Variants in LINGO2 observed in about 807,000 individuals in gnomAD.
LINGO2 encodes the protein leucine rich repeat and Ig domain containing 2, also known as leucine-rich repeat and immunoglobulin-like domain-containing nogo receptor-interacting protein 2.
In LINGO2, 14 loss-of-function variants were observed where a neutral mutation model predicts 30.6. The observed-to-expected ratio is 0.46, with a 90% CI of 0.30 to 0.72. LINGO2 has a LOEUF of 0.72. LINGO2 is among the 30% of genes least tolerant of loss of function. The pLI is 0.07. For missense variants in LINGO2, 729 were observed against 751.7 expected, an observed-to-expected ratio of 0.97 and a Z score of 0.35; for synonymous variants, 317 against 288.5, an observed-to-expected ratio of 1.10 and a Z score of -1.00.
chr9:28,184,812 C>A lies in LINGO2; in HGVS notation c.-87+110396G>T, dbSNP rs986895184. Among the ~76,000 whole-genome samples, 11 of 152,094 alleles carry A rather than the reference C, an allele frequency of 7.2e-5. No homozygotes were observed. In the South Asian group the frequency reaches 8.3e-4, roughly 12 times the overall value. ...TGGAAAAGGCCTAAAATAACTGCAC[C>A]CCTATACATGGTACAAGAAAACATC... On this transcript the variant is annotated intron_variant, in intron 4 of 5. Transcript: ENST00000379992.
intron 4 of LINGO2, among the ~76,000 whole-genome samples, chr9:28,252,623 T>C (rs1376728669): frequency 6.6e-6 from 1 of 152,024 alleles, no homozygotes; most frequent in Non-Finnish European, 1.5e-5. Context: ...AGCAATCATA[T>C]GAAAATATAT....
At chr9:28,567,750 C>T (rs1823456955) in intron 1 of LINGO2, among the ~76,000 whole-genome samples, 1 of 151,796 alleles carries the variant, frequency 6.6e-6, no homozygotes, top group South Asian at 2.1e-4. Context: ...CAGCATTATA[C>T]AATATACTTA....
chr9:28,538,507 A>C (rs548150051), intron 1 of LINGO2, among the ~76,000 whole-genome samples: 1 of 152,268 alleles, frequency 6.6e-6, no homozygotes, highest in African/African-American at 2.4e-5. Flanking sequence ...TAATAGAATA[A>C]AGGAGTAAAA....
the LINGO2 span, among the ~76,000 whole-genome samples, chr9:29,139,980 T>C: frequency 6.6e-6 from 1 of 151,812 alleles, no homozygotes; most frequent in Non-Finnish European, 1.5e-5. Context: ...AAAAAGAAAC[T>C]GGCAAAAATC....
chr9:28,891,795 A>G, the LINGO2 span, among the ~76,000 whole-genome samples: 2 of 152,002 alleles, frequency 1.3e-5, no homozygotes, highest in Non-Finnish European at 2.9e-5. Context: ...GTCACAATAA[A>G]GAAAATGGTC....
At chr9:28,746,473 C>G in the LINGO2 span, among the ~76,000 whole-genome samples, 1 of 151,674 alleles carries the variant, frequency 6.6e-6, no homozygotes, top group Non-Finnish European at 1.5e-5. Flanking sequence ...GATGTTTTTT[C>G]TTAATTGGTT....
chr9:28,607,498 G>T (rs985384241), intron 1 of LINGO2, among the ~76,000 whole-genome samples: 2 of 151,970 alleles, frequency 1.3e-5, no homozygotes, highest in African/African-American at 2.4e-5. Flanking sequence ...TACTAATGAA[G>T]AAATTTAAGC....
chr9:29,151,839 T>A, the LINGO2 span, among the ~76,000 whole-genome samples: 3 of 152,156 alleles, frequency 2.0e-5, no homozygotes, highest in Non-Finnish European at 4.4e-5. Context: ...AGACAGATCA[T>A]TGAGGCAGAA....
chr9:28,272,952 C>T (rs1315567699), intron 4 of LINGO2, among the ~76,000 whole-genome samples: 1 of 152,164 alleles, frequency 6.6e-6, no homozygotes, highest in Non-Finnish European at 1.5e-5. Flanking sequence ...TCAGGTGCTC[C>T]CAGTGCACAT....
At chr9:28,936,142 C>A in the LINGO2 span, among the ~76,000 whole-genome samples, 1 of 152,130 alleles carries the variant, frequency 6.6e-6, no homozygotes, top group Admixed American at 6.6e-5. Context: ...CTATTATTAA[C>A]TTCCATGTGC....
intron 4 of LINGO2, among the ~76,000 whole-genome samples, chr9:28,269,098 A>G (rs528097480): frequency 1.3e-5 from 2 of 152,192 alleles, no homozygotes; most frequent in Admixed American, 1.3e-4. Flanking sequence ...GTTCAGAACT[A>G]TCACCTTCTC....
intron 2 of LINGO2, among the ~76,000 whole-genome samples, chr9:28,468,281 C>T (rs1047697671): frequency 2.0e-5 from 3 of 152,186 alleles, no homozygotes; most frequent in African/African-American, 7.2e-5. Context: ...AGTTCCCTCA[C>T]TTGGACCAGA....
chr9:28,527,217 G>A (rs531917897), intron 1 of LINGO2, among the ~76,000 whole-genome samples: 26 of 152,224 alleles, frequency 1.7e-4, no homozygotes, highest in Non-Finnish European at 2.2e-4. Flanking sequence ...TAAATGCAGA[G>A]CTGAAACCAG....
intron 4 of LINGO2, among the ~76,000 whole-genome samples, chr9:28,108,480 CA>C (rs1334286385): frequency 1.3e-5 from 2 of 152,102 alleles, no homozygotes; most frequent in Non-Finnish European, 2.9e-5. Flanking sequence ...ATACTCACTC[CA>C]TGGCACCTTC....
chr9:28,577,112 A>G (rs186017130), intron 1 of LINGO2, among the ~76,000 whole-genome samples: 5 of 152,178 alleles, frequency 3.3e-5, no homozygotes, highest in Non-Finnish European at 5.9e-5. Context: ...CCCCAAATTA[A>G]ATTGCCTTTA....
At chr9:29,105,031 T>C in the LINGO2 span, among the ~76,000 whole-genome samples, 1 of 152,278 alleles carries the variant, frequency 6.6e-6, no homozygotes, top group South Asian at 2.1e-4. Flanking sequence ...AACAGAGCTA[T>C]GAACATAAAC....
At chr9:27,969,022 T>C (rs1475798851) in intron 5 of LINGO2, among the ~76,000 whole-genome samples, 1 of 151,930 alleles carries the variant, frequency 6.6e-6, no homozygotes, top group Non-Finnish European at 1.5e-5. Context: ...CATTAATATT[T>C]ACATTAATAT....
At chr9:28,888,251 C>T in the LINGO2 span, among the ~76,000 whole-genome samples, 3 of 151,964 alleles carry the variant, frequency 2.0e-5, no homozygotes, top group Non-Finnish European at 2.9e-5. Flanking sequence ...AGACCATAAA[C>T]AGATTATAAA....
At chr9:28,621,761 T>A (rs1563870318) in intron 1 of LINGO2, among the ~76,000 whole-genome samples, 1 of 152,010 alleles carries the variant, frequency 6.6e-6, no homozygotes, top group South Asian at 2.1e-4. Flanking sequence ...GTAACAGGAA[T>A]TTTTTTGTTT....
Sources: allele counts gnomAD v4.1 joint callset (sites outside exome capture counted in the v4.1 genomes callset), GRCh38; gene constraint gnomAD v4.1.1; transcripts MANE v1.5; gene names NCBI Gene and HGNC (gene_info 2026-07-23, HGNC 2026-07-21).